CCDC192: variants seen among roughly 807,000 people sequenced by gnomAD.
The protein encoded by CCDC192 is coiled-coil domain containing 192, also known as coiled-coil domain-containing protein 192.
At chr5:127,922,102 G>A (rs1385795612) in intron 6 of CCDC192, among the ~76,000 whole-genome samples, 1 of 152,120 alleles carries the variant, frequency 6.6e-6, no homozygotes, top group Non-Finnish European at 1.5e-5. Flanking sequence ...ATATCAACAT[G>A]TTACAATGAA....
intron 6 of CCDC192, among the ~76,000 whole-genome samples, chr5:127,937,462 T>A (rs1479324153): frequency 6.6e-6 from 1 of 152,172 alleles, no homozygotes; most frequent in Admixed American, 6.5e-5. Flanking sequence ...AGAAGAGATA[T>A]GAGAGAGGTT....
chr5:127,869,268 G>A lies in CCDC192; in HGVS notation c.412-6270G>A, dbSNP rs539486980. 1.6e-4 allele frequency among the ~76,000 whole-genome samples: 24 copies of A among 152,248 alleles called. No homozygotes were observed. The East Asian group carries it at 3.3e-3, about 21-fold the overall frequency. On this transcript the variant is annotated intron_variant, in intron 5 of 6. Coordinates refer to ENST00000514853, the MANE Select transcript of CCDC192 (RefSeq NM_001317938.2). Reference sequence around the variant, plus strand: ...GAACCCGGGAGGTGGAGGTTGCAGCGAGCTGAGATTACACCACTGCGTTCC... The same window carrying A: ...GAACCCGGGAGGTGGAGGTTGCAGCAAGCTGAGATTACACCACTGCGTTCC...
intron 3 of CCDC192, chr5:127,786,066 T>A: frequency 1.4e-6 from 1 of 704,776 alleles, no homozygotes; most frequent in Non-Finnish European, 2.6e-6. Context: ...CATTCTGGAT[T>A]CTAGATACAA....
intron 3 of CCDC192, among the ~76,000 whole-genome samples, chr5:127,794,658 T>G (rs906254117): frequency 6.2e-5 from 9 of 144,008 alleles, no homozygotes; most frequent in Non-Finnish European, 1.3e-4. Context: ...ATCTACAAAT[T>G]CTTACATATA....
chr5:127,929,132 T>C (rs1753948209), intron 6 of CCDC192, among the ~76,000 whole-genome samples: 1 of 152,256 alleles, frequency 6.6e-6, no homozygotes, highest in African/African-American at 2.4e-5. Context: ...AATTATGTGA[T>C]GATCCCACTT....
chr5:127,927,748 T>C (rs1338209549), intron 6 of CCDC192, among the ~76,000 whole-genome samples: 2 of 152,170 alleles, frequency 1.3e-5, no homozygotes, highest in Admixed American at 1.3e-4. Context: ...TTGCCCTTAG[T>C]TGCAATCCAA....
chr5:127,890,265 T>C (rs555921627), intron 6 of CCDC192, among the ~76,000 whole-genome samples: 8 of 152,074 alleles, frequency 5.3e-5, no homozygotes, highest in Non-Finnish European at 5.9e-5. Flanking sequence ...TAGTTTCAGC[T>C]ACTCAGGAGG....
chr5:127,842,065 A>C (rs1750314710), intron 5 of CCDC192, among the ~76,000 whole-genome samples: 1 of 152,192 alleles, frequency 6.6e-6, no homozygotes, highest in African/African-American at 2.4e-5. Context: ...TGTAAGGAAA[A>C]TGGGCGGAGG....
intron 5 of CCDC192, among the ~76,000 whole-genome samples, chr5:127,818,398 T>A (rs112356972): frequency 6.6e-5 from 10 of 152,280 alleles, no homozygotes; most frequent in African/African-American, 2.4e-4. Flanking sequence ...AAACGAATCC[T>A]GGGTTCTACT....
intron 6 of CCDC192, among the ~76,000 whole-genome samples, chr5:127,926,860 C>T (rs1260137866): frequency 6.6e-6 from 1 of 152,050 alleles, no homozygotes; most frequent in African/African-American, 2.4e-5. Flanking sequence ...TAAGAATCTC[C>T]ATGCAGTAAT....
At chr5:127,936,128 A>G (rs1754180240) in intron 6 of CCDC192, among the ~76,000 whole-genome samples, 1 of 152,178 alleles carries the variant, frequency 6.6e-6, no homozygotes, top group South Asian at 2.1e-4. Context: ...AAAAGAAAAA[A>G]AATTATCAAA....
At chr5:127,776,754 C>T (rs996239747) in intron 3 of CCDC192, among the ~76,000 whole-genome samples, 2 of 152,186 alleles carry the variant, frequency 1.3e-5, no homozygotes, top group African/African-American at 4.8e-5. Flanking sequence ...CCACTCCAGT[C>T]ATGGCTAAAA....
chr5:127,746,066 C>A (rs979184475), intron 2 of CCDC192, among the ~76,000 whole-genome samples: 18 of 152,280 alleles, frequency 1.2e-4, no homozygotes, highest in African/African-American at 4.1e-4. Flanking sequence ...TTAAAAAGTG[C>A]TTGCTTTTGT....
At chr5:127,717,344 A>T (rs1322399407) in intron 2 of CCDC192, among the ~76,000 whole-genome samples, 2 of 151,870 alleles carry the variant, frequency 1.3e-5, no homozygotes, top group Non-Finnish European at 2.9e-5. Flanking sequence ...CCCACATTAT[A>T]CTCTCCTGTT....
chr5:127,785,570 G>A, intron 3 of CCDC192: 1 of 170,098 alleles, frequency 5.9e-6, no homozygotes, highest in Non-Finnish European at 1.3e-5. Context: ...CCATCACAGT[G>A]GCTGAAAATT....
intron 3 of CCDC192, among the ~76,000 whole-genome samples, chr5:127,778,491 A>G (rs767054266): frequency 8.5e-5 from 13 of 152,100 alleles, no homozygotes; most frequent in Non-Finnish European, 1.6e-4. Context: ...TAATATTTTT[A>G]CTGTGCTGTT....
chr5:127,835,453 T>C (rs1351594332), intron 5 of CCDC192, among the ~76,000 whole-genome samples: 1 of 152,216 alleles, frequency 6.6e-6, no homozygotes, highest in Non-Finnish European at 1.5e-5. Flanking sequence ...TGGATGTCTC[T>C]TTTGGCCCTC....
intron 2 of CCDC192, among the ~76,000 whole-genome samples, chr5:127,716,466 T>C (rs1751628130): frequency 6.6e-6 from 1 of 152,178 alleles, no homozygotes; most frequent in Admixed American, 6.5e-5. Flanking sequence ...GAATTGATAT[T>C]AGTTCTTCTT....
chr5:127,895,339 T>C (rs1185768360), intron 6 of CCDC192, among the ~76,000 whole-genome samples: 1 of 152,158 alleles, frequency 6.6e-6, no homozygotes, highest in African/African-American at 2.4e-5. Context: ...TGGTCCAAAT[T>C]CATATTTTAC....
Sources: gnomAD v4.1 joint callset for allele counts (sites outside exome capture counted in the v4.1 genomes callset) on GRCh38, gnomAD v4.1.1 for gene constraint, MANE v1.5 for transcripts, NCBI Gene and HGNC (gene_info 2026-07-23, HGNC 2026-07-21) for gene names.